CASTOR2: variants seen among roughly 807,000 people sequenced by gnomAD.
The protein encoded by CASTOR2 is GATS protein like 2.
Under a neutral mutation model 31.2 loss-of-function variants are expected in CASTOR2, and 8 were observed. That is an observed-to-expected ratio of 0.26 (90% CI 0.15 to 0.46). The LOEUF is 0.46. Ranked by LOEUF, CASTOR2 falls within the 20% of genes least tolerant of loss-of-function variation. The probability of loss-of-function intolerance (pLI) is 0.99; values close to 1 mark genes in which losing one functional copy is unlikely to be tolerated. For missense variants in CASTOR2, 216 were observed against 382.1 expected (o/e 0.57, Z 3.62); for synonymous variants, 162 against 158.7 (o/e 1.02, Z -0.16).
rs1251597342 is a variant in CASTOR2, at chr7:75,012,791, G to T, written c.184+4727G>T. ...GTAGTTGAGACTACAGGCATGCACC[G>T]CTATGCCCAGCTAATTTTTGTATTT... On this transcript the variant is annotated intron_variant, in intron 2 of 8. Coordinates refer to ENST00000616305, the MANE Select transcript of CASTOR2 (RefSeq NM_001145064.3). 1.8e-3 allele frequency among the ~76,000 whole-genome samples: 268 copies of T among 150,916 alleles called. 1 individual carries two copies. The highest frequency in any genetic ancestry group is 6.3e-3 in the African/African-American group (260 of 40,976).
At chr7:74,996,080 G>A (rs1159529988) in intron 1 of CASTOR2, among the ~76,000 whole-genome samples, 1 of 152,104 alleles carries the variant, frequency 6.6e-6, no homozygotes, top group Non-Finnish European at 1.5e-5. Context: ...GGTGCTGAGC[G>A]TGGCAGAGGG....
intron 1 of CASTOR2, among the ~76,000 whole-genome samples, chr7:74,996,280 A>G (rs1267880861): frequency 6.6e-6 from 1 of 152,124 alleles, no homozygotes; most frequent in Non-Finnish European, 1.5e-5. Context: ...GGCCAGCAGT[A>G]CACGGTAGGG....
rs1327208111 is a variant in CASTOR2, at chr7:74,971,183, C to T, written c.113+6085C>T. ...GCTAATTTTGTATTTTTAGTAGAGA[C>T]GGGGTTTAGCCGTGTTACTCAGGCT... is the stretch of plus-strand genomic sequence containing the variant. On this transcript the variant is annotated intron_variant, in intron 1 of 8. Transcript: ENST00000616305. Among the ~76,000 whole-genome samples, 6 of 129,364 alleles carry T rather than the reference C, an allele frequency of 4.6e-5. 1 individual carries two copies. The highest frequency in any genetic ancestry group is 3.8e-3 in the Middle Eastern group (1 of 262). The allele number at this position is 129,364 out of a possible 152,430, so 84.9% of individuals were successfully genotyped here.
intron 1 of CASTOR2, among the ~76,000 whole-genome samples, chr7:74,991,701 G>A (rs1804215087): frequency 6.6e-6 from 1 of 152,136 alleles, no homozygotes; most frequent in Admixed American, 6.6e-5. Flanking sequence ...CATGGTTCGT[G>A]AAGGTGTCAA....
intron 1 of CASTOR2, among the ~76,000 whole-genome samples, chr7:75,001,614 A>G (rs1804497620): frequency 6.6e-6 from 1 of 152,200 alleles, no homozygotes; most frequent in East Asian, 1.9e-4. Flanking sequence ...ATGAGGGCGG[A>G]CAGGGTTTGT....
intron 6 of CASTOR2, among the ~76,000 whole-genome samples, chr7:75,020,636 G>A (rs970276663): frequency 2.8e-4 from 42 of 151,796 alleles, no homozygotes; most frequent in Non-Finnish European, 4.6e-4. Context: ...GACTACAGGC[G>A]CCGCCACCAC....
chr7:75,017,896 G>T, intron 3 of CASTOR2, 94 bp from the exon 4 acceptor site: 2 of 1,613,444 alleles, frequency 1.2e-6, no homozygotes, highest in Middle Eastern at 1.7e-4. Flanking sequence ...GCTATTCCAG[G>T]GTGGGGGCAG....
At position 75,026,546 on chromosome 7, in the gene CASTOR2, T is replaced by A. The variant is rs1316915144; in HGVS notation, c.*1847T>A. ...GGGATATTTTCTAGTCCTGACAAAG[T>A]GTTCCCTGCTTCTCTGAGTGGGACC... On this transcript the variant is annotated 3_prime_UTR_variant, in exon 9 of 9. Transcript: ENST00000616305. 6.6e-6 allele frequency among the ~76,000 whole-genome samples: 1 copy of A among 152,150 alleles called. No individual in the cohort carries two copies.
chr7:75,014,172 G>A (rs1804813123), intron 2 of CASTOR2, among the ~76,000 whole-genome samples: 1 of 152,060 alleles, frequency 6.6e-6, no homozygotes, highest in Non-Finnish European at 1.5e-5. Context: ...CACATCACTA[G>A]CCCTCACCCA....
chr7:75,021,749 GC>G, intron 6 of CASTOR2, 124 bp from the exon 7 acceptor site: 1 of 1,151,466 alleles, frequency 8.7e-7, no homozygotes. Context: ...TTTTTGGGGG[GC>G]CCTGAGGTCT....
intron 7 of CASTOR2, among the ~76,000 whole-genome samples, chr7:75,024,173 C>T (rs2131959236): frequency 6.6e-6 from 1 of 152,180 alleles, no homozygotes; most frequent in South Asian, 2.1e-4. Context: ...GCCTATAATC[C>T]CAGCTATTTG....
chr7:75,019,269 G>T (rs1204889382), intron 5 of CASTOR2, among the ~76,000 whole-genome samples, 174 bp downstream of exon 5: 1 of 152,116 alleles, frequency 6.6e-6, no homozygotes, highest in Non-Finnish European at 1.5e-5. Flanking sequence ...CCTGGAACTA[G>T]TCTGAGGTGG....
intron 1 of CASTOR2, among the ~76,000 whole-genome samples, chr7:74,986,292 C>T (rs587710747): frequency 0.023 from 3,534 of 151,000 alleles, 56 homozygotes; most frequent in Non-Finnish European, 0.03. Context: ...TCAAGACCAG[C>T]CTGGCCAAGA....
chr7:75,024,298 TA>T, intron 7 of CASTOR2, 141 bp from the exon 8 acceptor site: 1 of 878,060 alleles, frequency 1.1e-6, no homozygotes, highest in Non-Finnish European at 1.9e-6. Context: ...TCAAAAAAAA[TA>T]AAAGGGATAG....
intron 1 of CASTOR2, among the ~76,000 whole-genome samples, chr7:74,994,135 T>C (rs1804281971): frequency 6.6e-6 from 1 of 152,238 alleles, no homozygotes; most frequent in South Asian, 2.1e-4. Flanking sequence ...GATGGGAATG[T>C]TCTTCTCAGA....
rs1274072108 is a variant in CASTOR2 at position 75,028,521 on chromosome 7, CAGAT to C, written c.*3825_*3828del. On this transcript the variant is annotated 3_prime_UTR_variant, in exon 9 of 9. Coordinates refer to ENST00000616305, the MANE Select transcript of CASTOR2 (RefSeq NM_001145064.3). ...GTGTGGTTCTCCATTAAGAAAAGCT[CAGAT>C]AGTCTCAACCCCACCCTCTCCCCTT... Among the ~76,000 whole-genome samples, 7 of 152,064 alleles carry C rather than the reference CAGAT, an allele frequency of 4.6e-5. No homozygotes were observed. Among genetic ancestry groups the C allele is most frequent in the African/African-American group, 1.4e-4 (6 of 41,398 alleles).
In CASTOR2 at chr7:75,019,066, C is replaced by T; in HGVS notation, c.606C>T (p.Leu202=). ...ACACGCTGCCTGCTGTTGCCACACT[C>T]CTCATGGATGTCATGTTCTACTCCA... ...DPDTLPAVAT[L]LMDVMFYSNG... The change falls in exon 5 of 9, where the codon CTC becomes CTT. Residue 202 remains leucine, a synonymous_variant. Transcript: ENST00000616305. The T allele has an allele frequency of 6.4e-7, 1 of 1,551,868 alleles. No individual in the cohort carries two copies. Among genetic ancestry groups the T allele is most frequent in the Non-Finnish European group, 8.7e-7 (1 of 1,147,026 alleles).
intron 1 of CASTOR2, among the ~76,000 whole-genome samples, chr7:74,969,957 G>T (rs1182549085): frequency 2.0e-5 from 3 of 146,646 alleles, no homozygotes; most frequent in Non-Finnish European, 4.5e-5. Context: ...TTTGCAGAGC[G>T]GTGAAGACAC....
At chr7:74,988,593 G>T (rs587594368) in intron 1 of CASTOR2, among the ~76,000 whole-genome samples, 1 of 152,012 alleles carries the variant, frequency 6.6e-6, no homozygotes, top group African/African-American at 2.4e-5. Context: ...CACCGCACCC[G>T]GCCCACGCTC....
Sources: gnomAD v4.1 joint callset for allele counts (sites outside exome capture counted in the v4.1 genomes callset) on GRCh38, gnomAD v4.1.1 for gene constraint, MANE v1.5 for transcripts, NCBI Gene and HGNC (gene_info 2026-07-23, HGNC 2026-07-21) for gene names.